AGBL4: variants seen among roughly 807,000 people sequenced by gnomAD.
AGBL4 encodes the protein cytosolic carboxypeptidase 6.
Under a neutral mutation model 66.4 loss-of-function variants are expected in AGBL4, and 58 were observed. The ratio of observed to expected loss-of-function variants is 0.87; its 90% confidence interval spans 0.71 to 1.09. The LOEUF (loss-of-function observed/expected upper bound fraction) is 1.09, where lower values mean the gene tolerates loss of function less well. Among genes scored for constraint, AGBL4 ranks in the 50% least tolerant of loss-of-function variants. AGBL4 has a pLI of 0.00. For synonymous variants in AGBL4, 234 were observed against 222.9 expected (o/e 1.05, Z -0.44); for missense variants, 579 against 631.0 (o/e 0.92, Z 0.88).
intron 4 of AGBL4, among the ~76,000 whole-genome samples, chr1:49,158,135 GC>G (rs1335503067): frequency 6.6e-6 from 1 of 152,056 alleles, no homozygotes; most frequent in East Asian, 1.9e-4. Context: ...TATGCAGAAA[GC>G]TGAAACTGAA....
rs78680873 is a variant in AGBL4, at chr1:48,532,918, A to C, written c.*1255T>G. On this transcript the variant is annotated 3_prime_UTR_variant, in exon 14 of 14. Coordinates refer to ENST00000371839, the MANE Select transcript of AGBL4 (RefSeq NM_032785.4). Reference sequence around the variant, plus strand: ...AACCCAGGGGAGAAGCTGTATATACAACATGACATTTGTAGCCAATCAACA... The same window carrying C: ...AACCCAGGGGAGAAGCTGTATATACCACATGACATTTGTAGCCAATCAACA... 4 of 152,210 alleles carry C rather than the reference A, an allele frequency of 2.6e-5. No individual in the cohort carries two copies. Among genetic ancestry groups the C allele is most frequent in the Non-Finnish European group, 1.5e-5 (1 of 68,066 alleles). The allele number at this position is 152,210 out of a possible 1,614,324, so 9.4% of individuals were successfully genotyped here. A position where few individuals can be genotyped will look rare whatever the true frequency, so the allele number is the denominator to read the frequency against.
At chr1:49,382,741 G>A (rs1644648487) in intron 3 of AGBL4, among the ~76,000 whole-genome samples, 2 of 152,174 alleles carry the variant, frequency 1.3e-5, no homozygotes, top group South Asian at 4.1e-4. Context: ...TTCACAGAGA[G>A]CATGATCTTA....
intron 1 of AGBL4, among the ~76,000 whole-genome samples, chr1:49,980,688 C>T (rs980566507): frequency 6.6e-6 from 1 of 152,164 alleles, no homozygotes. Flanking sequence ...ATTTGGATAG[C>T]TTCCACCTCT....
intron 6 of AGBL4, among the ~76,000 whole-genome samples, chr1:48,725,383 A>G (rs1647219264): frequency 6.6e-6 from 1 of 152,228 alleles, no homozygotes; most frequent in South Asian, 2.1e-4. Context: ...AAGATTGGGC[A>G]AGTTTGTGAA....
intron 5 of AGBL4, among the ~76,000 whole-genome samples, chr1:48,940,208 T>A (rs1655846272): frequency 6.6e-6 from 1 of 152,090 alleles, no homozygotes; most frequent in Admixed American, 6.6e-5. Context: ...TGAAACCTCT[T>A]CTCTACTAAA....
chr1:48,999,843 C>T (rs927712261), intron 5 of AGBL4, among the ~76,000 whole-genome samples: 7 of 152,094 alleles, frequency 4.6e-5, no homozygotes, highest in South Asian at 2.1e-4. Flanking sequence ...CCCCTTAGAC[C>T]CCATTATCTA....
chr1:49,830,205 A>G (rs1017150254), intron 2 of AGBL4, among the ~76,000 whole-genome samples: 1 of 152,142 alleles, frequency 6.6e-6, no homozygotes, highest in Admixed American at 6.5e-5. Context: ...GTCTTCCACA[A>G]TGGTTGAACT....
chr1:48,772,122 C>A (rs931513755), intron 6 of AGBL4, among the ~76,000 whole-genome samples: 1 of 152,208 alleles, frequency 6.6e-6, no homozygotes, highest in Non-Finnish European at 1.5e-5. Context: ...AGGATGCAGG[C>A]ACAAGGAAGC....
intron 2 of AGBL4, among the ~76,000 whole-genome samples, chr1:49,771,128 C>T (rs576383990): frequency 4.6e-5 from 7 of 152,094 alleles, no homozygotes; most frequent in Non-Finnish European, 7.4e-5. Context: ...TCTTGTTGTA[C>T]GTGCTTATTG....
chr1:49,428,361 A>C (rs933685141), intron 3 of AGBL4, among the ~76,000 whole-genome samples: 1 of 152,232 alleles, frequency 6.6e-6, no homozygotes, highest in African/African-American at 2.4e-5. Flanking sequence ...GATATTCCAA[A>C]AAGATTCCAG....
chr1:49,653,865 G>A (rs941144238), intron 3 of AGBL4, among the ~76,000 whole-genome samples: 1 of 151,594 alleles, frequency 6.6e-6, no homozygotes, highest in Non-Finnish European at 1.5e-5. Flanking sequence ...ATCTGAAAGA[G>A]ACCGGGAGAA....
chr1:49,987,403 GT>G (rs1255989435), intron 1 of AGBL4, among the ~76,000 whole-genome samples: 1 of 151,968 alleles, frequency 6.6e-6, no homozygotes, highest in Admixed American at 6.6e-5. Flanking sequence ...CAATTCAACA[GT>G]TTTTAACAAC....
chr1:48,830,523 C>T (rs1457190729), intron 6 of AGBL4, among the ~76,000 whole-genome samples: 2 of 152,122 alleles, frequency 1.3e-5, no homozygotes, highest in Admixed American at 6.5e-5. Flanking sequence ...CCAATTCCCC[C>T]GATTTTGTAT....
chr1:49,550,949 G>A (rs563815034), intron 3 of AGBL4, among the ~76,000 whole-genome samples: 3 of 152,124 alleles, frequency 2.0e-5, no homozygotes, highest in East Asian at 1.9e-4. Context: ...CTTAGGTTTG[G>A]TCATTTAACA....
chr1:49,317,321 T>C (rs1557834523), intron 3 of AGBL4, among the ~76,000 whole-genome samples: 1 of 151,946 alleles, frequency 6.6e-6, no homozygotes, highest in Non-Finnish European at 1.5e-5. Flanking sequence ...TTTGCCTTTC[T>C]AAGCCTCAGT....
At position 49,697,409 on chromosome 1, in the gene AGBL4, AGAGACCTGG is replaced by A; in HGVS notation, c.177_185del (p.Gln60_Ser62del). The stretch of plus-strand genomic sequence containing the variant: ...TAATGAACAGATCATACTCAAACTC[AGAGACCTGG>A]TCCACCCGGCCCAGGTTACCTGGTA... On this transcript the variant is annotated inframe_deletion, in exon 3 of 14. Coordinates refer to ENST00000371839, the MANE Select transcript of AGBL4 (RefSeq NM_032785.4). 1 of 1,533,380 alleles carries A rather than the reference AGAGACCTGG, an allele frequency of 6.5e-7. No homozygotes were observed. Among genetic ancestry groups the A allele is most frequent in the Non-Finnish European group, 8.8e-7 (1 of 1,132,654 alleles). 95.0% of individuals were successfully genotyped at this position (1,533,380 alleles called of 1,614,324 possible).
chr1:49,837,007 G>A (rs1571681134), intron 2 of AGBL4, among the ~76,000 whole-genome samples: 1 of 152,326 alleles, frequency 6.6e-6, no homozygotes, highest in East Asian at 1.9e-4. Context: ...TGTATGAGGT[G>A]TCTCCCCATC....
intron 3 of AGBL4, among the ~76,000 whole-genome samples, chr1:49,476,002 T>C (rs1038861578): frequency 6.6e-6 from 1 of 151,998 alleles, no homozygotes; most frequent in African/African-American, 2.4e-5. Flanking sequence ...TCTAGTTGCT[T>C]TAGGTGTGAG....
At chr1:49,570,571 T>C (rs1447307363) in intron 3 of AGBL4, among the ~76,000 whole-genome samples, 1 of 152,104 alleles carries the variant, frequency 6.6e-6, no homozygotes. Flanking sequence ...TATTTTGCTG[T>C]GCAGAAGCTT....
Sources: gnomAD v4.1 joint callset for allele counts (sites outside exome capture counted in the v4.1 genomes callset) on GRCh38, gnomAD v4.1.1 for gene constraint, MANE v1.5 for transcripts, NCBI Gene and HGNC (gene_info 2026-07-23, HGNC 2026-07-21) for gene names.